Variants in AP2A2 observed in about 807,000 individuals in gnomAD.
AP2A2 encodes AP-2 complex subunit alpha-2.
A neutral mutation model predicts 104.2 loss-of-function variants in AP2A2; 32 were observed. The ratio of observed to expected loss-of-function variants is 0.31; its 90% CI spans 0.23 to 0.41. The LOEUF is 0.41. Ranked by LOEUF, AP2A2 falls within the 10% of genes least tolerant of loss-of-function variation. The probability of loss-of-function intolerance (pLI) is 1.00; values close to 1 mark genes in which losing one functional copy is unlikely to be tolerated. For missense variants in AP2A2, 912 were observed against 1,261.0 expected (o/e 0.72, Z 4.19); for synonymous variants, 539 against 533.3 (o/e 1.01, Z -0.15).
At chr11:950,672 C>T (rs1307093366) in intron 1 of AP2A2, among the ~76,000 whole-genome samples, 1 of 152,020 alleles carries the variant, frequency 6.6e-6, no homozygotes, top group Admixed American at 6.6e-5. Context: ...CTACAAAATA[C>T]TATTTAGAAG....
intron 10 of AP2A2, among the ~76,000 whole-genome samples, chr11:991,884 C>T (rs1015474856): frequency 2.0e-5 from 3 of 151,972 alleles, no homozygotes; most frequent in South Asian, 2.1e-4. Flanking sequence ...TGGTTCCAGG[C>T]GAGGTGACTT....
chr11:948,654 G>A (rs1053064818), intron 1 of AP2A2: 2 of 151,416 alleles, frequency 1.3e-5, no homozygotes, highest in Admixed American at 6.6e-5. Context: ...ATCACTTGAG[G>A]TCAGGAGTTC....
intron 1 of AP2A2, chr11:948,384 CG>C (rs1853923826): frequency 6.6e-6 from 1 of 152,104 alleles, no homozygotes; most frequent in Non-Finnish European, 1.5e-5. Flanking sequence ...AAGTCGTGAC[CG>C]AAGCTAACTC....
chr11:942,053 A>G (rs1254386655), intron 1 of AP2A2, among the ~76,000 whole-genome samples: 3 of 152,094 alleles, frequency 2.0e-5, no homozygotes, highest in Non-Finnish European at 4.4e-5. Flanking sequence ...CAGCCTCCTG[A>G]GTAGCTGGGA....
chr11:999,864 T>G (rs1289624055), intron 14 of AP2A2, among the ~76,000 whole-genome samples: 1 of 148,300 alleles, frequency 6.7e-6, no homozygotes, highest in African/African-American at 2.5e-5. Context: ...AGTGCCGTGG[T>G]GCGATCTCGG....
intron 4 of AP2A2, among the ~76,000 whole-genome samples, chr11:975,571 C>T (rs11246369): frequency 0.017 from 1,425 of 82,944 alleles, no homozygotes; most frequent in Middle Eastern, 0.049. Flanking sequence ...TCGTGTGAGC[C>T]GACGTCGGAG....
intron 2 of AP2A2, among the ~76,000 whole-genome samples, chr11:966,205 T>A (rs933794600): frequency 3.3e-5 from 5 of 152,212 alleles, no homozygotes; most frequent in African/African-American, 1.2e-4. Flanking sequence ...ATTAATTTGC[T>A]AAATAGGCCA....
chr11:992,589 T>A lies in AP2A2; in HGVS notation c.1356T>A (p.Ala452=). ...VDTILNLIRI[A]GDYVSEEVWY... ...CCATCTTGAACTTGATCCGAATTGCTGGTGATTACGTGAGTGAAGAGGTGT... is the reference window on the plus strand; with the variant it reads ...CCATCTTGAACTTGATCCGAATTGCAGGTGATTACGTGAGTGAAGAGGTGT... Residue 452 remains alanine, a synonymous_variant, in exon 11 of 22, where the codon GCT becomes GCA. Coordinates refer to ENST00000448903, the MANE Select transcript of AP2A2 (RefSeq NM_012305.4). This position sits in a 1 kb window ranked among gnomAD's most constrained non-coding sequence, Gnocchi z 6.4. 1 of 1,613,976 alleles carries A rather than the reference T, an allele frequency of 6.2e-7. No homozygotes were observed. The highest frequency in any genetic ancestry group is 8.5e-7 in the Non-Finnish European group (1 of 1,179,888).
intron 9 of AP2A2, 74 bp from the exon 10 acceptor site, chr11:988,478 C>T (rs947234457): frequency 1.9e-5 from 30 of 1,557,052 alleles, no homozygotes; most frequent in Admixed American, 1.0e-4. Flanking sequence ...ATGCGGGTGC[C>T]GAGCCTGTCC....
intron 9 of AP2A2, 148 bp from the exon 10 acceptor site, chr11:988,404 C>T (rs778985845): frequency 7.2e-5 from 74 of 1,022,438 alleles, no homozygotes; most frequent in East Asian, 1.7e-4. Flanking sequence ...ACACGTGGCC[C>T]GAGTGCAGGT....
intron 1 of AP2A2, among the ~76,000 whole-genome samples, chr11:939,712 T>A (rs1310353863): frequency 2.0e-5 from 3 of 152,128 alleles, no homozygotes; most frequent in Non-Finnish European, 4.4e-5. Context: ...CCCAAAGTGC[T>A]GGGATTACAG....
rs1321194201 is a variant in AP2A2, at chr11:1,011,230, T to C, written c.*605T>C. Reference sequence around the variant, plus strand: ...ACGTGTCCTGGCCGGATGTAACTGTTCTCCTTTCCCAGCTCCTGTTTGTGA... The same window carrying C: ...ACGTGTCCTGGCCGGATGTAACTGTCCTCCTTTCCCAGCTCCTGTTTGTGA... On this transcript the variant is annotated 3_prime_UTR_variant, in exon 22 of 22. Coordinates refer to ENST00000448903, the MANE Select transcript of AP2A2 (RefSeq NM_012305.4). The C allele has an allele frequency of 1.9e-6, 1 of 519,548 alleles. No homozygotes were observed. Among genetic ancestry groups the C allele is most frequent in the East Asian group, 5.4e-5 (1 of 18,394 alleles). 32.2% of individuals were successfully genotyped at this position (519,548 alleles called of 1,614,324 possible). A position where few individuals can be genotyped will look rare whatever the true frequency, so the allele number is the denominator to read the frequency against.
At chr11:996,515 C>G (rs1855862892) in intron 14 of AP2A2, among the ~76,000 whole-genome samples, 1 of 152,166 alleles carries the variant, frequency 6.6e-6, no homozygotes, top group African/African-American at 2.4e-5. Flanking sequence ...TGTGCCCATA[C>G]CCCAGGCCTT....
chr11:1,008,429 C>T (rs1487102381), intron 18 of AP2A2: 2 of 369,632 alleles, frequency 5.4e-6, no homozygotes, highest in East Asian at 4.9e-5. Context: ...ACAGCCAGGG[C>T]CCCCGCGCCA....
At chr11:976,800 C>A (rs377473404) in intron 4 of AP2A2, among the ~76,000 whole-genome samples, 13 of 152,296 alleles carry the variant, frequency 8.5e-5, no homozygotes, top group African/African-American at 3.1e-4. Context: ...TAAGTTGTAA[C>A]AACAACAACA....
At chr11:1,009,962 C>T in intron 21 of AP2A2, 145 bp downstream of exon 21, 1 of 1,014,046 alleles carries the variant, frequency 9.9e-7, no homozygotes, top group Non-Finnish European at 1.4e-6. Flanking sequence ...TACATGGTTG[C>T]CTCCCAGCCT....
chr11:949,887 A>C (rs906073782), intron 1 of AP2A2, among the ~76,000 whole-genome samples: 22 of 152,258 alleles, frequency 1.4e-4, no homozygotes, highest in African/African-American at 5.3e-4. Context: ...CTTCATATTA[A>C]TACCATAAAG....
intron 1 of AP2A2, chr11:940,871 C>T (rs1853623492): frequency 4.4e-6 from 2 of 456,094 alleles, no homozygotes; most frequent in African/African-American, 4.0e-5. Flanking sequence ...TTCCAGAGGA[C>T]TCTCGACTCT....
chr11:1,010,429 G>A, intron 21 of AP2A2, 119 bp from the exon 22 acceptor site: 2 of 738,182 alleles, frequency 2.7e-6, no homozygotes, highest in South Asian at 1.7e-5. Flanking sequence ...GCCGAGTTGT[G>A]GGTGCCTCCA....
Sources: gnomAD v4.1 joint callset for allele counts (sites outside exome capture counted in the v4.1 genomes callset) on GRCh38, gnomAD v4.1.1 for gene constraint, Gnocchi (gnomAD v3.1) non-coding constraint, MANE v1.5 for transcripts, NCBI Gene and HGNC (gene_info 2026-07-23, HGNC 2026-07-21) for gene names.